MGAT3: variants seen among roughly 807,000 people sequenced by gnomAD.
MGAT3 encodes GlcNAc-T III.
MGAT3 carries 9 observed loss-of-function variants against 29.8 expected under a neutral mutation model. That is an observed-to-expected ratio of 0.30 (90% CI 0.18 to 0.53). The LOEUF (loss-of-function observed/expected upper bound fraction) is 0.53. Among genes scored for constraint, MGAT3 ranks in the 20% least tolerant of loss-of-function variants. The pLI is 0.96. For synonymous variants in MGAT3, 397 were observed against 348.9 expected (o/e 1.14, Z -1.54); for missense variants, 557 against 769.5 (o/e 0.72, Z 3.27).
At chr22:39,480,315 G>C (rs1929087028) in intron 1 of MGAT3, among the ~76,000 whole-genome samples, 1 of 152,224 alleles carries the variant, frequency 6.6e-6, no homozygotes, top group African/African-American at 2.4e-5. Context: ...TCAGAGAGCT[G>C]CCTGCCTGGG....
At position 39,457,898 on chromosome 22, in the gene MGAT3, C is replaced by T. The variant is rs1354992043; in HGVS notation, c.-2+341C>T. Among the ~76,000 whole-genome samples, 2 of 151,618 alleles carry T rather than the reference C, an allele frequency of 1.3e-5. No individual in the cohort carries two copies. Among genetic ancestry groups the T allele is most frequent in the African/African-American group, 2.4e-5 (1 of 41,360 alleles). The stretch of plus-strand genomic sequence containing the variant: ...CTCGAGCCGTGCTTTGTGCGCGGCA[C>T]CCCCCAGCCTCCGGCGCGGCTCCCC... On this transcript the variant is annotated intron_variant, in intron 1 of 1. Coordinates refer to ENST00000341184, the MANE Select transcript of MGAT3 (RefSeq NM_002409.5). This position sits in a 1 kb window ranked among gnomAD's most constrained non-coding sequence, Gnocchi z 6.8.
At chr22:39,470,926 G>A (rs539056410) in intron 1 of MGAT3, among the ~76,000 whole-genome samples, 1 of 152,304 alleles carries the variant, frequency 6.6e-6, no homozygotes, top group Admixed American at 6.5e-5. Flanking sequence ...TGGCCCCAAA[G>A]CAGCCCTCGC....
intron 1 of MGAT3, among the ~76,000 whole-genome samples, chr22:39,472,606 T>C (rs1227372119): frequency 6.6e-6 from 1 of 152,126 alleles, no homozygotes; most frequent in African/African-American, 2.4e-5. Context: ...TAGGAGTGGC[T>C]CTGGGAGGGT....
At chr22:39,485,689 G>A (rs1434861446) in intron 1 of MGAT3, among the ~76,000 whole-genome samples, 2 of 152,154 alleles carry the variant, frequency 1.3e-5, no homozygotes, top group African/African-American at 4.8e-5. Context: ...TACTTGGGAG[G>A]CTGAGGTGAG....
chr22:39,479,444 G>A (rs1929060573), intron 1 of MGAT3, among the ~76,000 whole-genome samples: 1 of 152,056 alleles, frequency 6.6e-6, no homozygotes, highest in Non-Finnish European at 1.5e-5. Flanking sequence ...CCCTTTTCTT[G>A]GAGTCTCAGG....
rs535268986 is a variant in MGAT3, at chr22:39,464,488, G to A, written c.-2+6931G>A. 4.5e-3 allele frequency among the ~76,000 whole-genome samples: 691 copies of A among 151,966 alleles called. 7 individuals are homozygous for A. The highest frequency in any genetic ancestry group is 0.016 in the African/African-American group (666 of 41,424). ...GGAGTTTCACTGTGTCACCCAGGCTGGAGTGCAGTGGCGCGATCTCAGCTC... is the reference window on the plus strand; with the variant it reads ...GGAGTTTCACTGTGTCACCCAGGCTAGAGTGCAGTGGCGCGATCTCAGCTC... On this transcript the variant is annotated intron_variant, in intron 1 of 1. Transcript: ENST00000341184.
chr22:39,481,354 TC>T (rs1416610586), intron 1 of MGAT3, among the ~76,000 whole-genome samples: 2 of 152,342 alleles, frequency 1.3e-5, no homozygotes, highest in East Asian at 3.9e-4. Flanking sequence ...GCTTTGTCTT[TC>T]TCCAGAGCAC....
At chr22:39,481,380 C>T (rs1240002913) in intron 1 of MGAT3, among the ~76,000 whole-genome samples, 4 of 152,204 alleles carry the variant, frequency 2.6e-5, no homozygotes, top group Admixed American at 6.5e-5. Flanking sequence ...TCTTTGGGCG[C>T]GCAGTTTTCT....
chr22:39,476,207 C>T (rs948450383), intron 1 of MGAT3, among the ~76,000 whole-genome samples: 1 of 152,020 alleles, frequency 6.6e-6, no homozygotes, highest in Non-Finnish European at 1.5e-5. Flanking sequence ...GGTGGGGTTG[C>T]CATGGAAAGG....
chr22:39,458,064 C>T (rs1264689858), intron 1 of MGAT3, among the ~76,000 whole-genome samples: 1 of 152,146 alleles, frequency 6.6e-6, no homozygotes, highest in Non-Finnish European at 1.5e-5. Flanking sequence ...GCGGCCGTAG[C>T]TACCCCTGGG....
At chr22:39,486,851 G>A (rs1569005991) in intron 1 of MGAT3, among the ~76,000 whole-genome samples, 1 of 152,172 alleles carries the variant, frequency 6.6e-6, no homozygotes, top group Non-Finnish European at 1.5e-5. Context: ...CTTGAGACCT[G>A]TGAGTTTTTT....
chr22:39,485,479 A>G (rs1272319168), intron 1 of MGAT3, among the ~76,000 whole-genome samples: 3 of 152,108 alleles, frequency 2.0e-5, no homozygotes, highest in African/African-American at 7.2e-5. Context: ...CTGATAATCT[A>G]CAAATATTCT....
rs199999496 is a variant in MGAT3 at position 39,488,346 on chromosome 22, C to T, written c.999C>T (p.Tyr333=). The change falls in exon 2 of 2, where the codon TAC becomes TAT. Residue 333 remains tyrosine (Y), a synonymous_variant. Transcript: ENST00000341184. ...ARDGVLFLKL[Y]DGWTEPFAFH... is the part of the protein sequence containing the mutation. ...ACGGCGTCCTTTTCCTCAAGCTCTA[C>T]GATGGCTGGACCGAGCCCTTCGCCT... 4.3e-6 allele frequency: 7 copies of T among 1,612,530 alleles called. No individual in the cohort carries two copies. The East Asian group carries it at 6.7e-5, about 15-fold the overall frequency.
At chr22:39,462,357 G>A (rs1928523232) in intron 1 of MGAT3, among the ~76,000 whole-genome samples, 1 of 152,244 alleles carries the variant, frequency 6.6e-6, no homozygotes, top group Admixed American at 6.5e-5. Context: ...CACAGGTACT[G>A]AGGAGGCCCT....
rs369995022 is a variant in MGAT3 at position 39,488,758 on chromosome 22, G to A, written c.1411G>A (p.Glu471Lys). 3.7e-6 allele frequency: 6 copies of A among 1,612,648 alleles called. No individual in the cohort carries two copies. Among genetic ancestry groups the A allele is most frequent in the Admixed American group, 1.7e-5 (1 of 59,858 alleles). The change falls in exon 2 of 2, where the codon GAG (glutamate) becomes AAG (lysine). Residue 471 changes from glutamate (E) to lysine (K), a missense_variant. Physicochemically the swap from Glu to Lys is moderately conservative, Grantham distance 56 (BLOSUM62 1). Around this residue, in one of 3 missense-constraint regions of MGAT3, gnomAD observed 102 missense variants for 97.0 expected, o/e 1.05. Coordinates refer to ENST00000341184, the MANE Select transcript of MGAT3 (RefSeq NM_002409.5). Reference sequence around the variant, plus strand: ...GGGCTGGTTCGACGGCACGCAGCAGGAGTACCCGCCTGCAGACCCCAGCGA... The same window carrying A: ...GGGCTGGTTCGACGGCACGCAGCAGAAGTACCCGCCTGCAGACCCCAGCGA... ...TGGWFDGTQQEYPPADPSEHM... is the reference protein window; with the variant it reads ...TGGWFDGTQQKYPPADPSEHM...
chr22:39,478,575 T>G (rs985520380), intron 1 of MGAT3, among the ~76,000 whole-genome samples: 1 of 152,154 alleles, frequency 6.6e-6, no homozygotes, highest in Non-Finnish European at 1.5e-5. Flanking sequence ...GGGACTGAGC[T>G]AGGACTCTGG....
At chr22:39,484,582 A>C (rs1243514179) in intron 1 of MGAT3, among the ~76,000 whole-genome samples, 1 of 151,870 alleles carries the variant, frequency 6.6e-6, no homozygotes, top group African/African-American at 2.4e-5. Flanking sequence ...AATGTTGGCC[A>C]GGCTGGTCTC....
chr22:39,459,622 C>T (rs182676393), intron 1 of MGAT3, among the ~76,000 whole-genome samples: 1 of 152,182 alleles, frequency 6.6e-6, no homozygotes, highest in Admixed American at 6.5e-5. Context: ...AGCCAACACA[C>T]CCTGCTAATT....
intron 1 of MGAT3, among the ~76,000 whole-genome samples, chr22:39,475,407 C>T (rs1406902951): frequency 6.6e-6 from 1 of 152,078 alleles, no homozygotes; most frequent in Non-Finnish European, 1.5e-5. Flanking sequence ...GTATCGGGCC[C>T]TGAGGCCCAC....
Sources: allele counts gnomAD v4.1 joint callset (sites outside exome capture counted in the v4.1 genomes callset), GRCh38; gene constraint gnomAD v4.1.1; regional missense constraint gnomAD v4.1.1; non-coding constraint Gnocchi (gnomAD v3.1); transcripts MANE v1.5; gene names NCBI Gene and HGNC (gene_info 2026-07-23, HGNC 2026-07-21).